DPP10: variants seen among roughly 807,000 people sequenced by gnomAD.
DPP10 encodes dipeptidyl peptidase like 10, also known as inactive dipeptidyl peptidase 10.
Under a neutral mutation model 120.9 loss-of-function variants are expected in DPP10, and 33 were observed. That is an observed-to-expected ratio of 0.27 (90% CI 0.21 to 0.37). The LOEUF (loss-of-function observed/expected upper bound fraction) is 0.37, where lower values mean the gene tolerates loss of function less well. Ranked by LOEUF, DPP10 falls within the 10% of genes least tolerant of loss-of-function variation. The pLI, the probability that DPP10 is intolerant of heterozygous loss-of-function variation, is 1.00. For missense variants in DPP10, 816 were observed against 942.8 expected, an observed-to-expected ratio of 0.87 and a Z score of 1.76; for synonymous variants, 337 against 326.1, an observed-to-expected ratio of 1.03 and a Z score of -0.36.
chr2:115,042,648 A>C lies in DPP10; in HGVS notation c.61-266591A>C, dbSNP rs1187790975. ...ATAGTTCTTAATTTTGGTCTCTCCT[A>C]CTGTAGATCAGGAAGGCAAGAGATA... On this transcript the variant is annotated intron_variant, in intron 1 of 25. Coordinates refer to ENST00000410059, the MANE Select transcript of DPP10 (RefSeq NM_020868.6). Among the ~76,000 whole-genome samples, 3 of 152,214 alleles carry C rather than the reference A, an allele frequency of 2.0e-5. No individual in the cohort carries two copies. In the South Asian group the frequency reaches 6.2e-4, roughly 31 times the overall value.
At chr2:115,592,346 C>T (rs1028241071) in intron 5 of DPP10, among the ~76,000 whole-genome samples, 1 of 151,942 alleles carries the variant, frequency 6.6e-6, no homozygotes, top group African/African-American at 2.4e-5. Flanking sequence ...ATGAAGCTTC[C>T]CTCAGAGAAA....
At chr2:115,384,408 GAGA>G (rs143889616) in intron 3 of DPP10, among the ~76,000 whole-genome samples, 23 of 148,884 alleles carry the variant, frequency 1.5e-4, no homozygotes, top group Middle Eastern at 3.4e-3. Flanking sequence ...GAAGGAGAAG[GAGA>G]AGAAGAAGAA....
intron 3 of DPP10, among the ~76,000 whole-genome samples, chr2:115,354,700 C>T (rs758574185): frequency 5.3e-5 from 8 of 151,676 alleles, no homozygotes; most frequent in East Asian, 3.9e-4. Context: ...TCCCTCCCCT[C>T]GCCCCCCACC....
intron 9 of DPP10, among the ~76,000 whole-genome samples, chr2:115,741,233 A>G (rs1037762553): frequency 6.6e-6 from 1 of 152,130 alleles, no homozygotes; most frequent in African/African-American, 2.4e-5. Flanking sequence ...ATTAAATGCA[A>G]GATTATAAAG....
rs145291206 is a variant in DPP10 at position 115,673,385 on chromosome 2, A to G, written c.442-16302A>G. On this transcript the variant is annotated intron_variant, in intron 5 of 25. Coordinates refer to ENST00000410059, the MANE Select transcript of DPP10 (RefSeq NM_020868.6). ...ATAACATAGGCTAAAATAGAATATT[A>G]TAAGAAATATTCTCTATCTGCCTGT... 6.7e-3 allele frequency among the ~76,000 whole-genome samples: 1,019 copies of G among 152,344 alleles called. 5 individuals are homozygous for G. The highest frequency in any genetic ancestry group is 0.011 in the Non-Finnish European group (736 of 68,036).
At chr2:115,587,969 C>T (rs2082396882) in intron 5 of DPP10, among the ~76,000 whole-genome samples, 1 of 152,120 alleles carries the variant, frequency 6.6e-6, no homozygotes, top group African/African-American at 2.4e-5. Flanking sequence ...AGATCCAAAA[C>T]ACAAATATTT....
chr2:115,286,517 T>G, intron 1 of DPP10, among the ~76,000 whole-genome samples: 1 of 44,224 alleles, frequency 2.3e-5, no homozygotes, highest in South Asian at 8.2e-4. Flanking sequence ...ATATATAATA[T>G]ATATATATAA....
At chr2:114,499,103 C>T (rs1034488801) in intron 1 of DPP10, among the ~76,000 whole-genome samples, 3 of 152,208 alleles carry the variant, frequency 2.0e-5, no homozygotes, top group Admixed American at 6.5e-5. Context: ...CAAACTGACG[C>T]GTCCATGGTG....
At chr2:114,960,830 G>A (rs1270343185) in intron 1 of DPP10, among the ~76,000 whole-genome samples, 1 of 152,062 alleles carries the variant, frequency 6.6e-6, no homozygotes, top group Non-Finnish European at 1.5e-5. Context: ...AAGTATGGGT[G>A]ACTTTGAGAA....
At chr2:115,779,014 C>T (rs17044957) in intron 15 of DPP10, among the ~76,000 whole-genome samples, 13,632 of 151,952 alleles carry the variant, frequency 0.09, 660 homozygotes, top group South Asian at 0.13. Context: ...TATCGGTAGC[C>T]ATAAACTGTA....
At chr2:115,402,854 A>AAAAAATATATAT (rs1476901026) in intron 3 of DPP10, among the ~76,000 whole-genome samples, 2 of 97,668 alleles carry the variant, frequency 2.0e-5, no homozygotes, top group East Asian at 3.2e-4. Context: ...AAAAAAAAAA[A>AAAAAATATATAT]ATATATATAT....
rs191079246 is a variant in DPP10, at chr2:115,434,479, G to T, written c.272-65031G>T. On this transcript the variant is annotated intron_variant, in intron 3 of 25. Transcript: ENST00000410059. ...GTAACAGATGTAATAATAAATGCAT[G>T]CACAGCATAGATTGGAGCAAATGGA... is the stretch of plus-strand genomic sequence containing the variant. Among the ~76,000 whole-genome samples the T allele has an allele frequency of 2.3e-4, 35 of 151,972 alleles. No homozygotes were observed. The East Asian group carries it at 6.8e-3, about 29-fold the overall frequency.
At chr2:115,315,935 CT>C (rs200938505) in intron 2 of DPP10, among the ~76,000 whole-genome samples, 1,857 of 152,076 alleles carry the variant, frequency 0.012, 19 homozygotes, top group Non-Finnish European at 0.02. Flanking sequence ...AAAACAGTTA[CT>C]TTTTTGTCTT....
intron 1 of DPP10, among the ~76,000 whole-genome samples, chr2:114,695,230 C>A (rs1006919269): frequency 1.3e-5 from 2 of 151,842 alleles, no homozygotes; most frequent in African/African-American, 4.8e-5. Context: ...GTGAAATGGG[C>A]GATTATGAAA....
chr2:115,048,160 A>C lies in DPP10; in HGVS notation c.61-261079A>C, dbSNP rs150323100. Reference sequence around the variant, plus strand: ...GGTCAACAGCGTATTGTATATGTACATTTATATGCTCCCAACATATGTAAC... The same window carrying C: ...GGTCAACAGCGTATTGTATATGTACCTTTATATGCTCCCAACATATGTAAC... On this transcript the variant is annotated intron_variant, in intron 1 of 25. Coordinates refer to ENST00000410059, the MANE Select transcript of DPP10 (RefSeq NM_020868.6). Among the ~76,000 whole-genome samples the C allele has an allele frequency of 1.4e-4, 21 of 152,228 alleles. No individual in the cohort carries two copies. The Middle Eastern group carries it at 0.014, about 99-fold the overall frequency.
intron 1 of DPP10, chr2:115,161,603 A>C: frequency 7.4e-5 from 13 of 175,320 alleles, no homozygotes; most frequent in East Asian, 2.9e-4. Context: ...GACTGCGGGA[A>C]GAAGGCACGA....
At chr2:115,681,994 A>G (rs1023095685) in intron 5 of DPP10, among the ~76,000 whole-genome samples, 14 of 151,894 alleles carry the variant, frequency 9.2e-5, no homozygotes, top group African/African-American at 3.4e-4. Flanking sequence ...GTAATTTCCT[A>G]TGTGTTGAAA....
At chr2:115,139,329 C>A (rs977350525) in intron 1 of DPP10, among the ~76,000 whole-genome samples, 8 of 151,624 alleles carry the variant, frequency 5.3e-5, no homozygotes, top group African/African-American at 1.9e-4. Context: ...GTGTCAGAGA[C>A]AAAAATCATA....
chr2:115,663,672 A>G lies in DPP10; in HGVS notation c.442-26015A>G, dbSNP rs185425761. The stretch of plus-strand genomic sequence containing the variant: ...TTTTGTGTAGAGAACAAATCACACA[A>G]TCATATGAAGAAGGCTTCTTATATC... On this transcript the variant is annotated intron_variant, in intron 5 of 25. Transcript: ENST00000410059. Among the ~76,000 whole-genome samples, 685 of 152,264 alleles carry G rather than the reference A, an allele frequency of 4.5e-3. 5 individuals are homozygous for G. Among genetic ancestry groups the G allele is most frequent in the African/African-American group, 0.016 (662 of 41,538 alleles).
Sources: gnomAD v4.1 joint callset for allele counts (sites outside exome capture counted in the v4.1 genomes callset) on GRCh38, gnomAD v4.1.1 for gene constraint, MANE v1.5 for transcripts, NCBI Gene and HGNC (gene_info 2026-07-23, HGNC 2026-07-21) for gene names.